The following ASTN1 variants were observed in gnomAD, a reference collection of about 807,000 sequenced individuals.
ASTN1 encodes astrotactin 1, also known as astrotactin-1.
In ASTN1, 41 loss-of-function variants were observed where a neutral mutation model predicts 140.7. The ratio of observed to expected loss-of-function variants is 0.29; its 90% CI spans 0.23 to 0.38. The LOEUF (loss-of-function observed/expected upper bound fraction) is 0.38, where lower values mean the gene tolerates loss of function less well. ASTN1 is among the 10% of genes least tolerant of loss of function. The probability of loss-of-function intolerance (pLI) is 1.00; values close to 1 mark genes in which losing one functional copy is unlikely to be tolerated. For synonymous variants in ASTN1, 640 were observed against 652.2 expected, an observed-to-expected ratio of 0.98 and a Z score of 0.29; for missense variants, 1,479 against 1,678.8, an observed-to-expected ratio of 0.88 and a Z score of 2.08.
Position 176,949,175 on chromosome 1 carries a change from C to T in ASTN1, c.2054+10G>A. On this transcript the variant is annotated intron_variant, in intron 12 of 22. Coordinates refer to ENST00000361833, the MANE Select transcript of ASTN1 (RefSeq NM_004319.3). ...GGACGCCAGGTGGCCTCGCTGGCAG[C>T]TCAACTCACCCACAGAACATGAGGA... 1.2e-6 allele frequency: 2 copies of T among 1,613,392 alleles called. No individual in the cohort carries two copies. The highest frequency in any genetic ancestry group is 1.7e-6 in the Non-Finnish European group (2 of 1,179,782).
chr1:176,943,565 T>C (rs1671829864), intron 14 of ASTN1, among the ~76,000 whole-genome samples: 1 of 152,160 alleles, frequency 6.6e-6, no homozygotes, highest in Non-Finnish European at 1.5e-5. Flanking sequence ...ATCTAGCTTC[T>C]CTCTCTGCCT....
intron 9 of ASTN1, among the ~76,000 whole-genome samples, chr1:176,959,807 A>C (rs1468094283): frequency 1.3e-5 from 2 of 152,178 alleles, no homozygotes; most frequent in African/African-American, 4.8e-5. Flanking sequence ...CCAGTTGGTG[A>C]ACCTCTGCAT....
At position 176,884,469 on chromosome 1, in the gene ASTN1, G is replaced by C. The variant is rs144434019; in HGVS notation, c.3096C>G (p.His1032Gln). ...GGACCACAAGAGTGCTGCTGGGCTC[G>C]TGAACCGTGGAGAGTCTCAGCCTGT... is the stretch of plus-strand genomic sequence containing the variant. ...PQPVLRLSTV[H>Q]EPSSTLVVLE... Residue 1032 changes from histidine to glutamine, a missense_variant, in exon 19 of 23, where the codon CAC becomes CAG. Physicochemically the swap from His to Gln is conservative, Grantham distance 24. Coordinates refer to ENST00000361833, the MANE Select transcript of ASTN1 (RefSeq NM_004319.3). 3.1e-6 allele frequency: 5 copies of C among 1,613,326 alleles called. No individual in the cohort carries two copies. Among genetic ancestry groups the C allele is most frequent in the Non-Finnish European group, 4.2e-6 (5 of 1,179,474 alleles).
At chr1:176,882,429 CA>C (rs1210996576) in intron 20 of ASTN1, among the ~76,000 whole-genome samples, 6 of 152,232 alleles carry the variant, frequency 3.9e-5, no homozygotes, top group Admixed American at 3.9e-4. Context: ...TTTGCCTTTG[CA>C]GCTTCCTGAG....
chr1:176,881,725 T>A (rs1024985062), intron 20 of ASTN1, among the ~76,000 whole-genome samples: 1 of 152,218 alleles, frequency 6.6e-6, no homozygotes, highest in African/African-American at 2.4e-5. Context: ...CTCTAGAATG[T>A]CACTTGTGTT....
chr1:176,947,299 A>G (rs751013018), intron 12 of ASTN1, among the ~76,000 whole-genome samples: 9 of 152,218 alleles, frequency 5.9e-5, no homozygotes, highest in Non-Finnish European at 1.2e-4. Flanking sequence ...TTCATTAAAT[A>G]TTACTATTTG....
chr1:176,987,040 C>T (rs544538156), intron 8 of ASTN1, among the ~76,000 whole-genome samples: 3 of 152,152 alleles, frequency 2.0e-5, no homozygotes, highest in Non-Finnish European at 4.4e-5. Context: ...GTTGTTACAA[C>T]TGGAGGGTGG....
chr1:177,161,576 G>A lies in ASTN1; in HGVS notation c.283+2818C>T, dbSNP rs138926225. Among the ~76,000 whole-genome samples the A allele has an allele frequency of 2.6e-5, 4 of 152,320 alleles. No individual in the cohort carries two copies. The East Asian group carries it at 5.8e-4, about 22-fold the overall frequency. ...AAGGGCAAAGAGCCTTCCAGGCAGA[G>A]TAGCTACATGTGCAAAGTCTTGAAA... On this transcript the variant is annotated intron_variant, in intron 1 of 22. Transcript: ENST00000361833.
downstream of ASTN1, among the ~76,000 whole-genome samples, chr1:176,859,417 C>A (rs144882636): frequency 6.6e-6 from 1 of 152,328 alleles, no homozygotes; most frequent in Non-Finnish European, 1.5e-5. Context: ...ATGCCCAGGG[C>A]AGGGCTTACC....
chr1:177,142,185 CAAT>C (rs1241906460), intron 1 of ASTN1, among the ~76,000 whole-genome samples: 1 of 151,898 alleles, frequency 6.6e-6, no homozygotes, highest in Non-Finnish European at 1.5e-5. Flanking sequence ...TTATTTGAGG[CAAT>C]AAAAATAATA....
intron 8 of ASTN1, among the ~76,000 whole-genome samples, chr1:177,010,154 C>G (rs1434523767): frequency 6.6e-6 from 1 of 152,238 alleles, no homozygotes; most frequent in Middle Eastern, 3.4e-3. Flanking sequence ...CCTCCTCCAC[C>G]CTTGTTTATT....
At chr1:177,104,858 C>T (rs572891890) in intron 1 of ASTN1, among the ~76,000 whole-genome samples, 1 of 152,326 alleles carries the variant, frequency 6.6e-6, no homozygotes, top group East Asian at 1.9e-4. Flanking sequence ...CCCAGGTCTT[C>T]CCACACTTTA....
chr1:177,071,007 C>A (rs1244686569), intron 1 of ASTN1, among the ~76,000 whole-genome samples: 5 of 152,180 alleles, frequency 3.3e-5, no homozygotes, highest in Non-Finnish European at 7.4e-5. Context: ...CAGAATTAAG[C>A]AAATTATACC....
intron 1 of ASTN1, among the ~76,000 whole-genome samples, chr1:177,068,878 G>T (rs1368162903): frequency 2.0e-5 from 3 of 149,854 alleles, no homozygotes; most frequent in Non-Finnish European, 4.4e-5. Context: ...GAGTGCAGTG[G>T]CATGATCTCA....
chr1:176,996,722 C>T (rs1265927654), intron 8 of ASTN1, among the ~76,000 whole-genome samples: 1 of 152,152 alleles, frequency 6.6e-6, no homozygotes, highest in African/African-American at 2.4e-5. Flanking sequence ...GAAACAGAGT[C>T]TTTGATGATG....
At chr1:176,948,303 A>AG (rs908824898) in intron 12 of ASTN1, among the ~76,000 whole-genome samples, 1 of 137,066 alleles carries the variant, frequency 7.3e-6, no homozygotes, top group African/African-American at 2.7e-5. Context: ...GGGGAGGGAG[A>AG]GGGGGGAGAA....
intron 1 of ASTN1, among the ~76,000 whole-genome samples, chr1:177,106,232 G>C (rs1237201301): frequency 6.6e-6 from 1 of 152,086 alleles, no homozygotes; most frequent in African/African-American, 2.4e-5. Context: ...TATTATTTAG[G>C]TTAAAATAGC....
At chr1:176,895,550 C>A (rs955413323) in intron 16 of ASTN1, among the ~76,000 whole-genome samples, 2 of 152,138 alleles carry the variant, frequency 1.3e-5, no homozygotes, top group Non-Finnish European at 2.9e-5. Flanking sequence ...CATTATTAAT[C>A]AATGTATTGA....
Position 176,861,863 on chromosome 1 carries a change from G to T in ASTN1, c.*2421C>A, listed in dbSNP as rs1228783828. 5 of 985,046 alleles carry T rather than the reference G, an allele frequency of 5.1e-6. No homozygotes were observed. The African/African-American group carries it at 7.0e-5, about 14-fold the overall frequency. 61.0% of individuals were successfully genotyped at this position (985,046 alleles called of 1,614,324 possible). The stretch of plus-strand genomic sequence containing the variant: ...GAGACTGAGGGAAAGATAGGAGAGA[G>T]GAAGATAGTGTGCCTAAAATAAAAA... On this transcript the variant is annotated 3_prime_UTR_variant, in exon 23 of 23. Transcript: ENST00000361833.
Sources: allele counts gnomAD v4.1 joint callset (sites outside exome capture counted in the v4.1 genomes callset), GRCh38; gene constraint gnomAD v4.1.1; transcripts MANE v1.5; gene names NCBI Gene and HGNC (gene_info 2026-07-23, HGNC 2026-07-21).